The following ACSL3 variants were observed in gnomAD, a reference collection of about 807,000 sequenced individuals.
The protein encoded by ACSL3 is acyl-CoA synthetase long chain family member 3.
Under a neutral mutation model 84.7 loss-of-function variants are expected in ACSL3, and 34 were observed. The ratio of observed to expected loss-of-function variants is 0.40; its 90% CI spans 0.31 to 0.53. ACSL3 has a LOEUF of 0.53. Ranked by LOEUF, ACSL3 falls within the 20% of genes least tolerant of loss-of-function variation. ACSL3 has a pLI of 0.48. For synonymous variants in ACSL3, 315 were observed against 299.4 expected (o/e 1.05, Z -0.54); for missense variants, 680 against 873.1 (o/e 0.78, Z 2.79).
At chr2:222,910,770 T>C (rs936463400) in intron 4 of ACSL3, among the ~76,000 whole-genome samples, 5 of 152,220 alleles carry the variant, frequency 3.3e-5, no homozygotes, top group African/African-American at 1.2e-4. Flanking sequence ...GCTGTGACAT[T>C]AATAGTGCCC....
At position 222,876,753 on chromosome 2, in the gene ACSL3, G is replaced by GA. The variant is rs111631000; in HGVS notation, c.-206-11066dup. Among the ~76,000 whole-genome samples the GA allele has an allele frequency of 5.4e-3, 783 of 144,734 alleles. 5 individuals are homozygous for GA. The highest frequency in any genetic ancestry group is 0.019 in the African/African-American group (745 of 39,584). The allele number at this position is 144,734 out of a possible 152,430, so 95.0% of individuals were successfully genotyped here. On this transcript the variant is annotated intron_variant, in intron 1 of 16. Coordinates refer to ENST00000357430, the MANE Select transcript of ACSL3 (RefSeq NM_004457.5). ...CTCGGCTAGATTCTAGGAAAGCAGA[G>GA]AAAAAAAAAAAGTCCTTGCTTCAAG...
At chr2:222,918,515 T>G (rs1008209666) in intron 6 of ACSL3, among the ~76,000 whole-genome samples, 5 of 151,702 alleles carry the variant, frequency 3.3e-5, no homozygotes, top group Non-Finnish European at 2.9e-5. Context: ...ATTAAGTAAT[T>G]ACAAGTTTTC....
At chr2:222,905,273 A>G (rs1362353448) in intron 3 of ACSL3, among the ~76,000 whole-genome samples, 3 of 152,052 alleles carry the variant, frequency 2.0e-5, no homozygotes, top group Admixed American at 1.3e-4. Flanking sequence ...TGATCCTCCC[A>G]TCTCAGTCTC....
At chr2:222,920,988 A>C in intron 7 of ACSL3, 1 of 524,650 alleles carries the variant, frequency 1.9e-6, no homozygotes, top group Non-Finnish European at 3.8e-6. Flanking sequence ...GAAACTCTAC[A>C]GAGACGGTCT....
rs1253100883 is a variant in ACSL3, at chr2:222,861,247, T to C, written c.-218T>C. 1 of 152,078 alleles carries C rather than the reference T, an allele frequency of 6.6e-6. No individual in the cohort carries two copies. The highest frequency in any genetic ancestry group is 6.5e-5 in the Admixed American group (1 of 15,274). 9.4% of individuals were successfully genotyped at this position (152,078 alleles called of 1,614,324 possible). On this transcript the variant is annotated 5_prime_UTR_variant, in exon 1 of 17. Coordinates refer to ENST00000357430, the MANE Select transcript of ACSL3 (RefSeq NM_004457.5). ...GGCCCGAGGCCGGAGGAACCCGGAC[T>C]CCGGCGTAGCGGTGAGTGCGGCGCC...
chr2:222,918,490 T>C (rs1268022120), intron 6 of ACSL3, among the ~76,000 whole-genome samples: 1 of 151,736 alleles, frequency 6.6e-6, no homozygotes, highest in Non-Finnish European at 1.5e-5. Flanking sequence ...GTAATTTTTA[T>C]TTTACTTCTG....
At chr2:222,935,271 C>T (rs868191997) in intron 16 of ACSL3, among the ~76,000 whole-genome samples, 4 of 152,118 alleles carry the variant, frequency 2.6e-5, no homozygotes, top group South Asian at 2.1e-4. Flanking sequence ...CTTACTGCAG[C>T]CTTGAACTCC....
chr2:222,879,201 C>T (rs1695531669), intron 1 of ACSL3, among the ~76,000 whole-genome samples: 4 of 152,064 alleles, frequency 2.6e-5, no homozygotes. Context: ...GCTTGTAATC[C>T]CAGCTACGTG....
At chr2:222,898,417 T>C (rs1022025642) in intron 2 of ACSL3, among the ~76,000 whole-genome samples, 2 of 152,222 alleles carry the variant, frequency 1.3e-5, no homozygotes, top group African/African-American at 4.8e-5. Flanking sequence ...AAAACCTGCA[T>C]GGTTGCATTT....
chr2:222,882,560 A>G (rs577953038), intron 1 of ACSL3, among the ~76,000 whole-genome samples: 1 of 152,212 alleles, frequency 6.6e-6, no homozygotes, highest in South Asian at 2.1e-4. Flanking sequence ...GACAATCTAG[A>G]ACCCTTGCAT....
intron 1 of ACSL3, among the ~76,000 whole-genome samples, chr2:222,881,195 TTAAC>T (rs1199423001): frequency 6.6e-6 from 1 of 152,262 alleles, no homozygotes; most frequent in Non-Finnish European, 1.5e-5. Context: ...AATTTATTAA[TTAAC>T]TATTTTATGT....
intron 1 of ACSL3, among the ~76,000 whole-genome samples, chr2:222,881,794 G>A (rs1209057500): frequency 6.6e-6 from 1 of 152,168 alleles, no homozygotes; most frequent in East Asian, 1.9e-4. Context: ...GTGAGCCATT[G>A]CGCCCGGCCT....
intron 1 of ACSL3, among the ~76,000 whole-genome samples, chr2:222,872,538 C>T (rs1695333577): frequency 6.6e-6 from 1 of 152,162 alleles, no homozygotes; most frequent in African/African-American, 2.4e-5. Flanking sequence ...GATGCTCCCA[C>T]CAGGTACTTT....
intron 1 of ACSL3, among the ~76,000 whole-genome samples, chr2:222,882,567 G>A (rs2106095036): frequency 1.3e-5 from 2 of 152,194 alleles, no homozygotes; most frequent in Middle Eastern, 3.4e-3. Flanking sequence ...TAGAACCCTT[G>A]CATGCCGAAT....
rs1697318973 is a variant in ACSL3, at chr2:222,941,798, G to A, written c.*144G>A. 1.1e-6 allele frequency: 1 copy of A among 882,852 alleles called. No homozygotes were observed. Among genetic ancestry groups the A allele is most frequent in the Non-Finnish European group, 1.6e-6 (1 of 625,770 alleles). The allele number at this position is 882,852 out of a possible 1,614,324, so 54.7% of individuals were successfully genotyped here. ...ATGACGTCACCATTTTTAACTGACA[G>A]GATTAGTAAAACATTAAGACAGCAA... is the stretch of plus-strand genomic sequence containing the variant. On this transcript the variant is annotated 3_prime_UTR_variant, in exon 17 of 17. Transcript: ENST00000357430.
At chr2:222,873,532 G>A (rs896089172) in intron 1 of ACSL3, among the ~76,000 whole-genome samples, 5 of 152,132 alleles carry the variant, frequency 3.3e-5, no homozygotes, top group Non-Finnish European at 5.9e-5. Context: ...TGTTTGATGA[G>A]AAAGTTTGGA....
At chr2:222,929,577 C>T (rs942521967) in intron 13 of ACSL3, among the ~76,000 whole-genome samples, 7 of 152,156 alleles carry the variant, frequency 4.6e-5, no homozygotes, top group African/African-American at 9.6e-5. Context: ...GTCAGGAGTT[C>T]GAGACCAGCC....
rs756719027 is a variant in ACSL3 at position 222,930,601 on chromosome 2, C to T, written c.1541-20C>T. The stretch of plus-strand genomic sequence containing the variant: ...GTGTTGTATTTAACTCAACTATTAA[C>T]TCAATTATTATTTTATTAGGTGGAT... On this transcript the variant is annotated intron_variant, in intron 13 of 16. Coordinates refer to ENST00000357430, the MANE Select transcript of ACSL3 (RefSeq NM_004457.5). 4 of 1,549,074 alleles carry T rather than the reference C, an allele frequency of 2.6e-6. No homozygotes were observed. In the East Asian group the frequency reaches 6.9e-5, roughly 27 times the overall value.
chr2:222,932,327 TTTTC>T (rs1697053669), intron 14 of ACSL3, among the ~76,000 whole-genome samples: 1 of 152,078 alleles, frequency 6.6e-6, no homozygotes, highest in Admixed American at 6.5e-5. Flanking sequence ...AGTTAATTGT[TTTTC>T]TTTCTTTCTT....
Sources: allele counts gnomAD v4.1 joint callset (sites outside exome capture counted in the v4.1 genomes callset), GRCh38; gene constraint gnomAD v4.1.1; transcripts MANE v1.5; gene names NCBI Gene and HGNC (gene_info 2026-07-23, HGNC 2026-07-21).